The following ACE variants were observed in gnomAD, a reference collection of about 807,000 sequenced individuals.
ACE encodes the protein angiotensin I converting enzyme, also known as angiotensin-converting enzyme.
Under a neutral mutation model 162.3 loss-of-function variants are expected in ACE, and 122 were observed. The ratio of observed to expected loss-of-function variants is 0.75; its 90% CI spans 0.65 to 0.87. The LOEUF (loss-of-function observed/expected upper bound fraction) is 0.87, where lower values mean the gene tolerates loss of function less well. Among genes scored for constraint, ACE ranks in the 40% least tolerant of loss-of-function variants. The pLI, the probability that ACE is intolerant of heterozygous loss-of-function variation, is 0.00. For missense variants in ACE, 1,799 were observed against 1,735.1 expected (o/e 1.04, Z -0.65); for synonymous variants, 796 against 720.6 (o/e 1.10, Z -1.68).
In ACE at chr17:63,480,334, C is replaced by G; in HGVS notation, c.656-3C>G. On this transcript the variant is annotated splice_region_variant and splice_polypyrimidine_tract_variant and intron_variant, in intron 4 of 24. Transcript: ENST00000290866. The stretch of plus-strand genomic sequence containing the variant: ...GCTACATACCTCACCCCCACGCCCC[C>G]AGGCTTCACAGACACGGGGGCCTAC... The G allele has an allele frequency of 6.2e-7, 1 of 1,613,810 alleles. No individual in the cohort carries two copies. Among genetic ancestry groups the G allele is most frequent in the Non-Finnish European group, 8.5e-7 (1 of 1,180,010 alleles).
intron 23 of ACE, 127 bp downstream of exon 23, chr17:63,496,643 G>A (rs899578194): frequency 1.2e-5 from 19 of 1,588,570 alleles, no homozygotes; most frequent in East Asian, 2.2e-5. Flanking sequence ...CACCTGCAGC[G>A]TGGGCCAGGC....
Position 63,491,605 on chromosome 17 carries a change from C to T in ACE, c.2912+224C>T, listed in dbSNP as rs541982406. Among the ~76,000 whole-genome samples the T allele has an allele frequency of 1.2e-4, 19 of 152,272 alleles. No individual in the cohort carries two copies. Among genetic ancestry groups the T allele is most frequent in the Middle Eastern group, 3.4e-3 (1 of 294 alleles). The stretch of plus-strand genomic sequence containing the variant: ...CACGCAACAGCTCTGTCAGCCTGGC[C>T]GCTGGGAAGTGCTCAAGGTCCCAGT... On this transcript the variant is annotated intron_variant, in intron 19 of 24. Coordinates refer to ENST00000290866, the MANE Select transcript of ACE (RefSeq NM_000789.4). The surrounding 1 kb of genome is among the most constrained non-coding windows in gnomAD (Gnocchi z 4.4).
In ACE at chr17:63,491,349, G is replaced by A. The variant is rs758161582; in HGVS notation, c.2880G>A (p.Ser960=). The A allele has an allele frequency of 3.9e-5, 63 of 1,614,014 alleles. No individual in the cohort carries two copies. The highest frequency in any genetic ancestry group is 8.3e-5 in the Admixed American group (5 of 60,006). Residue 960 remains serine (S), a synonymous_variant, in exon 19 of 25, where the codon TCG becomes TCA. Coordinates refer to ENST00000290866, the MANE Select transcript of ACE (RefSeq NM_000789.4). This position sits in a 1 kb window ranked among gnomAD's most constrained non-coding sequence, Gnocchi z 4.4. ...TDGREVVCHA[S]AWDFYNGKDF... ...GGCGGGAGGTGGTCTGCCACGCCTC[G>A]GCCTGGGACTTCTACAACGGCAAGG...
At chr17:63,480,284 G>A in intron 4 of ACE, 53 bp from the exon 5 acceptor site, 11 of 1,591,466 alleles carry the variant, frequency 6.9e-6, no homozygotes, top group Non-Finnish European at 8.6e-6. Context: ...CAGCTGAGAG[G>A]CTGAGGTCCG....
Position 63,486,554 on chromosome 17 carries a change from C to T in ACE, c.2059-3C>T. Reference sequence around the variant, plus strand: ...CTGTGACACCATCCCCCTGTGCCCTCAGCTGCAGAAGAACATGCAAATAGC... The same window carrying T: ...CTGTGACACCATCCCCCTGTGCCCTTAGCTGCAGAAGAACATGCAAATAGC... On this transcript the variant is annotated splice_polypyrimidine_tract_variant and splice_region_variant and intron_variant, in intron 13 of 24. Coordinates refer to ENST00000290866, the MANE Select transcript of ACE (RefSeq NM_000789.4). The T allele has an allele frequency of 6.2e-7, 1 of 1,614,100 alleles. No homozygotes were observed. The highest frequency in any genetic ancestry group is 8.5e-7 in the Non-Finnish European group (1 of 1,179,974).
In ACE at chr17:63,493,597, C is replaced by G; in HGVS notation, c.3074C>G (p.Ser1025Ter). The G allele has an allele frequency of 6.2e-7, 1 of 1,614,212 alleles. No individual in the cohort carries two copies. The highest frequency in any genetic ancestry group is 8.5e-7 in the Non-Finnish European group (1 of 1,180,030). Residue 1025 changes from serine to a stop codon, truncating the protein, a stop_gained, in exon 20 of 25, where the codon TCA becomes TGA. Coordinates refer to ENST00000290866, the MANE Select transcript of ACE (RefSeq NM_000789.4). LOFTEE classifies it high-confidence loss of function. ...HEAIGDVLAL[S>*]VSTPKHLHSL... Reference sequence around the variant, plus strand: ...GCCATTGGGGACGTGCTAGCCCTCTCAGTGTCTACGCCCAAGCACCTGCAC... The same window carrying G: ...GCCATTGGGGACGTGCTAGCCCTCTGAGTGTCTACGCCCAAGCACCTGCAC...
In ACE at chr17:63,479,084, C is replaced by G; in HGVS notation, c.495C>G (p.Cys165Trp). 6.2e-7 allele frequency: 1 copy of G among 1,613,202 alleles called. No homozygotes were observed. The highest frequency in any genetic ancestry group is 1.1e-5 in the South Asian group (1 of 90,858). Reference sequence around the variant, plus strand: ...GCCTCCCCAACAAGACTGCCACCTGCTGGTCCCTGGACCCAGGTACGGCCC... The same window carrying G: ...GCCTCCCCAACAAGACTGCCACCTGGTGGTCCCTGGACCCAGGTACGGCCC... ...KVCLPNKTAT[C>W]WSLDPDLTNI... The change falls in exon 3 of 25, where the codon TGC becomes TGG. Residue 165 changes from cysteine to tryptophan, a missense_variant. Cys to Trp is a radical substitution (Grantham distance 215, BLOSUM62 -2). Transcript: ENST00000290866.
In ACE at chr17:63,491,175, C is replaced by T; in HGVS notation, c.2740-34C>T. 6.2e-6 allele frequency: 10 copies of T among 1,613,092 alleles called. No homozygotes were observed. The highest frequency in any genetic ancestry group is 8.5e-6 in the Non-Finnish European group (10 of 1,179,788). On this transcript the variant is annotated intron_variant, in intron 18 of 24. Transcript: ENST00000290866. This position sits in a 1 kb window ranked among gnomAD's most constrained non-coding sequence, Gnocchi z 4.4. ...GGCAGCACGCAGTCTGTCCCCGGAA[C>T]CCCCAGTTTGGGCAGAACTCCCTCT...
rs568401628 is a variant in ACE, at chr17:63,497,280, C to T, written c.3835C>T (p.Arg1279Trp). 2.1e-5 allele frequency: 32 copies of T among 1,558,146 alleles called. 2 individuals carry two copies. In the South Asian group the frequency reaches 3.4e-4, roughly 17 times the overall value. Residue 1279 changes from arginine (R) to tryptophan (W), a missense_variant, in exon 25 of 25, where the codon CGG (arginine) becomes TGG (tryptophan). Transcript: ENST00000290866. ...LLVATLGLSQ[R>W]LFSIRHRSLH... Reference sequence around the variant, plus strand: ...GGTAGCCACCCTGGGCCTCAGCCAGCGGCTCTTCAGCATCCGCCACCGCAG... The same window carrying T: ...GGTAGCCACCCTGGGCCTCAGCCAGTGGCTCTTCAGCATCCGCCACCGCAG...
At chr17:63,483,401 G>A in intron 9 of ACE, 59 bp from the exon 10 acceptor site, 1 of 1,540,286 alleles carries the variant, frequency 6.5e-7, no homozygotes, top group Non-Finnish European at 9.0e-7. Flanking sequence ...TTCTACAAAA[G>A]TTAAATCCAT....
At position 63,478,064 on chromosome 17, in the gene ACE, G is replaced by A. The variant is rs767085054; in HGVS notation, c.383G>A (p.Gly128Asp). ...ATCATCGGAGCTGTGCGCACCCTGGGCTCTGCCAACCTGCCCCTGGCTAAG... is the reference window on the plus strand; with the variant it reads ...ATCATCGGAGCTGTGCGCACCCTGGACTCTGCCAACCTGCCCCTGGCTAAG... ...RRIIGAVRTLGSANLPLAKRQ... is the reference protein window; with the variant it reads ...RRIIGAVRTLDSANLPLAKRQ... Residue 128 changes from glycine to aspartate, a missense_variant, in exon 2 of 25, where the codon GGC (glycine) becomes GAC (aspartate). Coordinates refer to ENST00000290866, the MANE Select transcript of ACE (RefSeq NM_000789.4). 1 of 1,597,626 alleles carries A rather than the reference G, an allele frequency of 6.3e-7. No individual in the cohort carries two copies. The highest frequency in any genetic ancestry group is 8.5e-7 in the Non-Finnish European group (1 of 1,172,400).
chr17:63,493,133 A>G (rs1303861599), intron 19 of ACE, among the ~76,000 whole-genome samples: 1 of 152,260 alleles, frequency 6.6e-6, no homozygotes, highest in Non-Finnish European at 1.5e-5. Flanking sequence ...ACAATGTCCC[A>G]GTGCCTCTAG....
At chr17:63,494,159 T>G in intron 21 of ACE, 93 bp downstream of exon 21, 1 of 1,460,542 alleles carries the variant, frequency 6.8e-7, no homozygotes, top group South Asian at 1.2e-5. Context: ...TAGGGGAGTG[T>G]GTGTGTGTGT....
intron 4 of ACE, 139 bp downstream of exon 4, chr17:63,480,051 G>A (rs1430366768): frequency 2.9e-6 from 4 of 1,364,436 alleles, no homozygotes; most frequent in Non-Finnish European, 4.0e-6. Context: ...AAGTGGAGGT[G>A]GGACCGGCCT....
At chr17:63,488,889 G>A (rs2030174310) in intron 16 of ACE, 52 bp from the exon 17 acceptor site, 2 of 1,613,766 alleles carry the variant, frequency 1.2e-6, no homozygotes, top group Non-Finnish European at 8.5e-7. Context: ...TAGATCCCTG[G>A]AGGAGGCAGG....
At position 63,488,798 on chromosome 17, in the gene ACE, C is replaced by A. The variant is rs779190012; in HGVS notation, c.2449+7C>A. The stretch of plus-strand genomic sequence containing the variant: ...CAGGCTGCCCGGCTCAATGGTGAGT[C>A]CCTGCTGCCAACATCACTGGCACTT... On this transcript the variant is annotated splice_region_variant and intron_variant, in intron 16 of 24. Coordinates refer to ENST00000290866, the MANE Select transcript of ACE (RefSeq NM_000789.4). 1 of 1,613,990 alleles carries A rather than the reference C, an allele frequency of 6.2e-7. No homozygotes were observed.
chr17:63,484,229 T>G lies in ACE; in HGVS notation c.1710-101T>G, dbSNP rs578158439. 7.3e-7 allele frequency: 1 copy of G among 1,369,364 alleles called. No individual in the cohort carries two copies. Among genetic ancestry groups the G allele is most frequent in the Non-Finnish European group, 1.0e-6 (1 of 996,304 alleles). 84.8% of individuals were successfully genotyped at this position (1,369,364 alleles called of 1,614,324 possible). A position where few individuals can be genotyped will look rare whatever the true frequency, so the allele number is the denominator to read the frequency against. On this transcript the variant is annotated intron_variant, in intron 11 of 24. Transcript: ENST00000290866. The surrounding 1 kb of genome is among the most constrained non-coding windows in gnomAD (Gnocchi z 4.0). The stretch of plus-strand genomic sequence containing the variant: ...GGTCTTATTGCCACAGTTTCTGCAG[T>G]CCATTGGGGGGCGGAAGTGGCCAGG...
At position 63,484,770 on chromosome 17, in the gene ACE, C is replaced by T; in HGVS notation, c.1921+229C>T. On this transcript the variant is annotated intron_variant, in intron 12 of 24. Coordinates refer to ENST00000290866, the MANE Select transcript of ACE (RefSeq NM_000789.4). The surrounding 1 kb of genome is among the most constrained non-coding windows in gnomAD (Gnocchi z 4.0). ...TCAGACCTGAGGGCCCCTCCCCTTCCAGAGGAAGCCAGACACAAGGCTCTG... is the reference window on the plus strand; with the variant it reads ...TCAGACCTGAGGGCCCCTCCCCTTCTAGAGGAAGCCAGACACAAGGCTCTG... 1 of 1,474,566 alleles carries T rather than the reference C, an allele frequency of 6.8e-7. No individual in the cohort carries two copies. The highest frequency in any genetic ancestry group is 9.0e-7 in the Non-Finnish European group (1 of 1,114,788). The allele number at this position is 1,474,566 out of a possible 1,614,324, so 91.3% of individuals were successfully genotyped here.
At chr17:63,490,862 C>A in intron 17 of ACE, 92 bp from the exon 18 acceptor site, 1 of 1,171,440 alleles carries the variant, frequency 8.5e-7, no homozygotes, top group Non-Finnish European at 1.3e-6. Context: ...ATTAGCAGGA[C>A]TGGGATCTGG....
Sources: allele counts gnomAD v4.1 joint callset (sites outside exome capture counted in the v4.1 genomes callset), GRCh38; gene constraint gnomAD v4.1.1; non-coding constraint Gnocchi (gnomAD v3.1); transcripts MANE v1.5; gene names NCBI Gene and HGNC (gene_info 2026-07-23, HGNC 2026-07-21).